Variants in STAG3 observed in about 807,000 individuals in gnomAD.
STAG3 encodes STAG3 cohesin complex component, also known as cohesin subunit SA-3.
In STAG3, 101 loss-of-function variants were observed where a neutral mutation model predicts 160.7. That is an observed-to-expected ratio of 0.63 (90% CI 0.54 to 0.74). The LOEUF is 0.74. Ranked by LOEUF, STAG3 falls within the 30% of genes least tolerant of loss-of-function variation. The pLI is 0.00. For missense variants in STAG3, 1,188 were observed against 1,517.4 expected (o/e 0.78, Z 3.61); for synonymous variants, 519 against 585.0 (o/e 0.89, Z 1.63).
At chr7:100,202,671 G>A in intron 25 of STAG3, 81 bp downstream of exon 25, 3 of 1,524,914 alleles carry the variant, frequency 2.0e-6, no homozygotes, top group Middle Eastern at 2.4e-4. Flanking sequence ...TAGCACTACA[G>A]GTGGGGGATA....
At position 100,201,308 on chromosome 7, in the gene STAG3, A is replaced by G; in HGVS notation, c.2177A>G (p.Gln726Arg). 6.2e-7 allele frequency: 1 copy of G among 1,614,120 alleles called. No individual in the cohort carries two copies. Among genetic ancestry groups the G allele is most frequent in the Non-Finnish European group, 8.5e-7 (1 of 1,180,016 alleles). ...TRWELYEPCC[Q>R]LLQKAVDTGE... ...TGGGAGCTCTATGAGCCATGTTGCC[A>G]ACTCCTGCAGAAGGCTGTGGACACA... Residue 726 changes from glutamine to arginine, a missense_variant, in exon 21 of 34, where the codon CAA (glutamine) becomes CGA (arginine). Gln to Arg is a conservative substitution (Grantham distance 43, BLOSUM62 1). This residue lies in a region of STAG3 where 647 missense variants were observed against 717.2 expected (regional missense o/e 0.90). Coordinates refer to ENST00000615138, the MANE Select transcript of STAG3 (RefSeq NM_001282717.2).
At chr7:100,210,194 G>C (rs952265760) in intron 29 of STAG3, among the ~76,000 whole-genome samples, 7 of 152,182 alleles carry the variant, frequency 4.6e-5, no homozygotes, top group Non-Finnish European at 1.0e-4. Flanking sequence ...GGGAATCCAA[G>C]CCCAGGGGTA....
At chr7:100,214,678 AGCCAG>A (rs1024756428), downstream of STAG3, among the ~76,000 whole-genome samples, 1 of 152,082 alleles carries the variant, frequency 6.6e-6, no homozygotes, top group Non-Finnish European at 1.5e-5. Context: ...CACCCATGTG[AGCCAG>A]GCCAGGCCAT....
chr7:100,178,060 C>CAGTG (rs3835191), intron 1 of STAG3, 55 bp downstream of exon 1: 46,952 of 152,018 alleles, frequency 0.31, 7,928 homozygotes, highest in East Asian at 0.63. Flanking sequence ...CAGGCTCTGA[C>CAGTG]AGGTTTCTCC....
At chr7:100,186,782 C>T (rs752074862) in intron 5 of STAG3, among the ~76,000 whole-genome samples, 1 of 152,128 alleles carries the variant, frequency 6.6e-6, no homozygotes, top group Non-Finnish European at 1.5e-5. Context: ...AGAGGCAAGA[C>T]ACTTTAGGGA....
rs1801066419 is a variant in STAG3 at position 100,200,843 on chromosome 7, GGC to G, written c.1938_1939del (p.His647CysfsTer7). On this transcript the variant is annotated frameshift_variant, in exon 19 of 34. Transcript: ENST00000615138. LOFTEE classifies it high-confidence loss of function. ...HAEPAVLEAGAHALYLLCNPE... is the reference protein window; with the variant it reads ...HAEPAVLEAGXHALYLLCNPE... ...CAGAGCCAGCGGTGCTTGAGGCTGG[GGC>G]GCATGCCCTCTACCTGCTCTGTAAT... The G allele has an allele frequency of 1.2e-6, 2 of 1,614,072 alleles. No individual in the cohort carries two copies. The highest frequency in any genetic ancestry group is 1.7e-5 in the Admixed American group (1 of 59,998).
At chr7:100,178,537 G>A (rs1273767368) in intron 1 of STAG3, among the ~76,000 whole-genome samples, 1 of 149,692 alleles carries the variant, frequency 6.7e-6, no homozygotes, top group Non-Finnish European at 1.5e-5. Context: ...CCAGAGAGGG[G>A]TGCGTCTGAA....
intron 4 of STAG3, among the ~76,000 whole-genome samples, 195 bp downstream of exon 4, chr7:100,183,034 G>C (rs1355349167): frequency 6.7e-6 from 1 of 149,072 alleles, no homozygotes; most frequent in Non-Finnish European, 1.5e-5. Context: ...TTTTTTTTTA[G>C]ACAGAGTCTC....
At chr7:100,195,525 CA>C (rs1800629371) in intron 9 of STAG3, 143 bp downstream of exon 9, 1 of 683,160 alleles carries the variant, frequency 1.5e-6, no homozygotes, top group African/African-American at 1.8e-5. Context: ...TTCTTGACAA[CA>C]AATGTTTCAA....
intron 7 of STAG3, 145 bp from the exon 8 acceptor site, chr7:100,189,300 G>A: frequency 2.1e-6 from 2 of 950,116 alleles, no homozygotes; most frequent in Non-Finnish European, 1.6e-6. Flanking sequence ...GTCCACTCCA[G>A]GACAGGCCGT....
downstream of STAG3, chr7:100,214,440 G>A (rs551057910): frequency 5.9e-4 from 136 of 231,012 alleles, 2 homozygotes; most frequent in South Asian, 6.7e-3. Flanking sequence ...TTCTTGGTCC[G>A]CCTTGTCCCA....
At chr7:100,216,477 T>G (rs1406123997), downstream of STAG3, among the ~76,000 whole-genome samples, 1 of 152,194 alleles carries the variant, frequency 6.6e-6, no homozygotes, top group Non-Finnish European at 1.5e-5. Flanking sequence ...TTTAAAATCA[T>G]GGTTCAACAT....
At chr7:100,188,142 T>G (rs74742883) in intron 5 of STAG3, among the ~76,000 whole-genome samples, 25,485 of 152,170 alleles carry the variant, frequency 0.17, 2,711 homozygotes, top group Middle Eastern at 0.33. Flanking sequence ...GCTTAAGAGA[T>G]TTGTATCTTT....
chr7:100,204,349 A>G (rs1801434391), intron 26 of STAG3, among the ~76,000 whole-genome samples: 1 of 152,220 alleles, frequency 6.6e-6, no homozygotes, highest in Non-Finnish European at 1.5e-5. Context: ...TGGAACGCCA[A>G]CAAGGAAGTG....
At chr7:100,199,891 T>C (rs908243253) in intron 16 of STAG3, among the ~76,000 whole-genome samples, 1 of 88,824 alleles carries the variant, frequency 1.1e-5, no homozygotes, top group African/African-American at 4.1e-5. Flanking sequence ...CTGTCTCTAC[T>C]AAAAATACAA....
At chr7:100,185,047 C>T (rs1562966887) in intron 4 of STAG3, among the ~76,000 whole-genome samples, 6 of 146,058 alleles carry the variant, frequency 4.1e-5, no homozygotes, top group Admixed American at 4.1e-4. Context: ...TCCAGAATCA[C>T]TTTTTTTTTT....
At chr7:100,191,317 T>C (rs1295516819) in intron 8 of STAG3, among the ~76,000 whole-genome samples, 1 of 152,254 alleles carries the variant, frequency 6.6e-6, no homozygotes, top group Non-Finnish European at 1.5e-5. Flanking sequence ...TTCTCATTTT[T>C]GCTAGTTCCA....
In STAG3 at chr7:100,201,788, T is replaced by A; in HGVS notation, c.2223T>A (p.Val741=). The A allele has an allele frequency of 1.2e-6, 2 of 1,614,202 alleles. No homozygotes were observed. Among genetic ancestry groups the A allele is most frequent in the Non-Finnish European group, 1.7e-6 (2 of 1,180,022 alleles). Residue 741 remains valine (V), a splice_region_variant and synonymous_variant, in exon 22 of 34, where the codon GTT becomes GTA. Coordinates refer to ENST00000615138, the MANE Select transcript of STAG3 (RefSeq NM_001282717.2). ...AVDTGEVPHQ[V]ILPALTLVYF... Reference sequence around the variant, plus strand: ...TTTCAAACCCTTTGTTGTTACAGGTTATCCTGCCAGCCTTGACTCTTGTCT... The same window carrying A: ...TTTCAAACCCTTTGTTGTTACAGGTAATCCTGCCAGCCTTGACTCTTGTCT...
intron 32 of STAG3, chr7:100,212,563 C>G (rs1397200590): frequency 6.6e-6 from 1 of 152,236 alleles, no homozygotes; most frequent in Non-Finnish European, 1.5e-5. Flanking sequence ...TCAAGCAATT[C>G]TCCTGCCTCA....
Sources: allele counts gnomAD v4.1 joint callset (sites outside exome capture counted in the v4.1 genomes callset), GRCh38; gene constraint gnomAD v4.1.1; regional missense constraint gnomAD v4.1.1; transcripts MANE v1.5; gene names NCBI Gene and HGNC (gene_info 2026-07-23, HGNC 2026-07-21).